The following DGLUCY variants were observed in gnomAD, a reference collection of about 807,000 sequenced individuals.
The protein encoded by DGLUCY is D-glutamate cyclase, mitochondrial.
Under a neutral mutation model 58.5 loss-of-function variants are expected in DGLUCY, and 58 were observed. The ratio of observed to expected loss-of-function variants is 0.99; its 90% CI spans 0.80 to 1.23. The LOEUF (loss-of-function observed/expected upper bound fraction) is 1.23, where lower values mean the gene tolerates loss of function less well. Ranked by LOEUF, DGLUCY falls within the 50% of genes most tolerant of loss-of-function variation. The pLI is 0.00. For missense variants in DGLUCY, 779 were observed against 784.7 expected, an observed-to-expected ratio of 0.99 and a Z score of 0.09; for synonymous variants, 325 against 314.1, an observed-to-expected ratio of 1.03 and a Z score of -0.37.
At chr14:91,150,306 G>C (rs1034832912) in intron 1 of DGLUCY, among the ~76,000 whole-genome samples, 2 of 150,978 alleles carry the variant, frequency 1.3e-5, no homozygotes, top group Non-Finnish European at 2.9e-5. Context: ...GCGCCTTCCT[G>C]TGGAGCTGGA....
At chr14:91,145,529 T>A (rs1201729848) in intron 1 of DGLUCY, among the ~76,000 whole-genome samples, 3 of 152,038 alleles carry the variant, frequency 2.0e-5, no homozygotes, top group African/African-American at 4.8e-5. Flanking sequence ...TTGTACCCGC[T>A]CCACCAGGAC....
At chr14:91,197,368 G>A (rs1021220219) in intron 10 of DGLUCY, among the ~76,000 whole-genome samples, 13 of 152,180 alleles carry the variant, frequency 8.5e-5, no homozygotes, top group African/African-American at 2.7e-4. Context: ...GCCTCCCAAA[G>A]TGCTGGGATT....
At chr14:91,103,811 A>AAC (rs72140720), upstream of DGLUCY, among the ~76,000 whole-genome samples, 759 of 151,382 alleles carry the variant, frequency 5.0e-3, 6 homozygotes, top group African/African-American at 0.017. Flanking sequence ...ACATATATGA[A>AAC]ACACACACAC....
chr14:91,122,604 T>TTTG (rs1272741799), intron 1 of DGLUCY, among the ~76,000 whole-genome samples: 15 of 128,926 alleles, frequency 1.2e-4, no homozygotes, highest in African/African-American at 4.6e-4. Flanking sequence ...AGAAAAAAGT[T>TTTG]TTTTTTTTTT....
chr14:91,185,373 C>T (rs1057040368), intron 8 of DGLUCY: 4 of 148,122 alleles, frequency 2.7e-5, no homozygotes, highest in Non-Finnish European at 1.5e-5. Context: ...GCCTCACTCT[C>T]CAGGGCTCAA....
At chr14:91,222,710 C>G (rs900408216) in intron 13 of DGLUCY, among the ~76,000 whole-genome samples, 1 of 152,212 alleles carries the variant, frequency 6.6e-6, no homozygotes, top group African/African-American at 2.4e-5. Flanking sequence ...CCAGGGCTCT[C>G]AGCTGGCTCA....
At chr14:91,128,328 C>A (rs111856645) in intron 1 of DGLUCY, among the ~76,000 whole-genome samples, 1,709 of 143,730 alleles carry the variant, frequency 0.012, 23 homozygotes, top group South Asian at 0.019. Flanking sequence ...AAAAAAAAAA[C>A]CCACAAGAAT....
chr14:91,095,182 T>C (rs1160186324), intron 1 of DGLUCY, among the ~76,000 whole-genome samples: 1 of 152,126 alleles, frequency 6.6e-6, no homozygotes, highest in Non-Finnish European at 1.5e-5. Flanking sequence ...CAGATGTCCA[T>C]CCTCGGCGGT....
intron 8 of DGLUCY, among the ~76,000 whole-genome samples, chr14:91,186,835 G>A (rs1405899744): frequency 6.6e-6 from 1 of 152,054 alleles, no homozygotes; most frequent in Non-Finnish European, 1.5e-5. Context: ...TCCTACATCT[G>A]GACTACCTCC....
chr14:91,072,323 C>CA lies in DGLUCY; in HGVS notation c.-82+11633dup, dbSNP rs113763715. ...TGAGCAACAGAATGAGACTCTGTCTCAAAAAAAAAAAAAAGAACTCCATGA... is the reference window on the plus strand; with the variant it reads ...TGAGCAACAGAATGAGACTCTGTCTCAAAAAAAAAAAAAAAGAACTCCATGA... On this transcript the variant is annotated intron_variant, in intron 1 of 4. Coordinates refer to the DGLUCY transcript ENST00000521334. 5.9e-3 allele frequency among the ~76,000 whole-genome samples: 765 copies of CA among 129,626 alleles called. 6 individuals are homozygous for CA. Among genetic ancestry groups the CA allele is most frequent in the African/African-American group, 0.018 (630 of 35,432 alleles). 85.0% of individuals were successfully genotyped at this position (129,626 alleles called of 152,430 possible). A position where few individuals can be genotyped will look rare whatever the true frequency, so the allele number is the denominator to read the frequency against.
intron 1 of DGLUCY, among the ~76,000 whole-genome samples, chr14:91,118,934 A>C (rs1440960597): frequency 6.6e-6 from 1 of 152,168 alleles, no homozygotes; most frequent in Non-Finnish European, 1.5e-5. Flanking sequence ...CCTGGGCAAC[A>C]TAGTGAGACC....
intron 13 of DGLUCY, among the ~76,000 whole-genome samples, chr14:91,216,944 C>T (rs574366149): frequency 9.2e-5 from 14 of 152,326 alleles, no homozygotes; most frequent in Admixed American, 3.3e-4. Flanking sequence ...GCCTGAGCAG[C>T]GAGGTGGCAG....
chr14:91,110,387 C>G (rs969755561), upstream of DGLUCY, among the ~76,000 whole-genome samples: 2 of 151,658 alleles, frequency 1.3e-5, no homozygotes, highest in African/African-American at 4.8e-5. Context: ...AGGAATCCTT[C>G]AAGCTCTGCT....
upstream of DGLUCY, among the ~76,000 whole-genome samples, chr14:91,106,213 C>T (rs1243630947): frequency 1.3e-5 from 2 of 151,616 alleles, no homozygotes; most frequent in African/African-American, 4.8e-5. Context: ...GAGGCTGAGG[C>T]AGGAGAATCG....
intron 8 of DGLUCY, among the ~76,000 whole-genome samples, chr14:91,183,720 CTT>C (rs768266974): frequency 3.9e-5 from 6 of 152,174 alleles, no homozygotes; most frequent in Non-Finnish European, 8.8e-5. Context: ...GGTACAAAGA[CTT>C]TCCAAAATCC....
intron 1 of DGLUCY, among the ~76,000 whole-genome samples, chr14:91,133,554 A>T (rs1824160592): frequency 6.6e-6 from 1 of 152,090 alleles, no homozygotes; most frequent in African/African-American, 2.4e-5. Flanking sequence ...ATTTTTAAAA[A>T]TTATATATAT....
At chr14:91,161,146 A>G (rs2047958791) in intron 3 of DGLUCY, among the ~76,000 whole-genome samples, 1 of 152,226 alleles carries the variant, frequency 6.6e-6, no homozygotes, top group Admixed American at 6.5e-5. Context: ...GCTCACTGCA[A>G]GCTCCGCCTC....
In DGLUCY at chr14:91,215,524, G is replaced by A. The variant is rs764679160; in HGVS notation, c.1684G>A (p.Ala562Thr). 2 of 1,613,856 alleles carry A rather than the reference G, an allele frequency of 1.2e-6. No homozygotes were observed. The highest frequency in any genetic ancestry group is 2.7e-5 in the African/African-American group (2 of 74,924). Residue 562 changes from alanine to threonine, a missense_variant, in exon 13 of 14, where the codon GCC becomes ACC. By Grantham distance (58) the Ala-to-Thr change is moderately conservative. Coordinates refer to ENST00000256324, the MANE Select transcript of DGLUCY (RefSeq NM_001102368.3). The stretch of plus-strand genomic sequence containing the variant: ...ACCCTCCAGGGCACCTGGAGATCAG[G>A]CCTGGACTCAGGCCCTCCCGTCGGT... ...VGPSRAPGDQ[A>T]WTQALPSVIK... is the part of the protein sequence containing the mutation.
chr14:91,162,300 T>C (rs2048038127), intron 3 of DGLUCY, among the ~76,000 whole-genome samples: 1 of 151,886 alleles, frequency 6.6e-6, no homozygotes, highest in African/African-American at 2.4e-5. Context: ...GTCATTAAGT[T>C]AAAAAAAATG....
Sources: gnomAD v4.1 joint callset for allele counts (sites outside exome capture counted in the v4.1 genomes callset) on GRCh38, gnomAD v4.1.1 for gene constraint, MANE v1.5 for transcripts, NCBI Gene and HGNC (gene_info 2026-07-23, HGNC 2026-07-21) for gene names.